MED15: variants seen among roughly 807,000 people sequenced by gnomAD.
The protein encoded by MED15 is mediator of RNA polymerase II transcription subunit 15.
MED15 carries 41 observed loss-of-function variants against 118.7 expected under a neutral mutation model. That is an observed-to-expected ratio of 0.35 (90% CI 0.27 to 0.45). MED15 has a LOEUF of 0.45. MED15 is among the 20% of genes least tolerant of loss of function. MED15 has a pLI of 1.00. For synonymous variants in MED15, 436 were observed against 413.9 expected, an observed-to-expected ratio of 1.05 and a Z score of -0.65; for missense variants, 740 against 1,025.5, an observed-to-expected ratio of 0.72 and a Z score of 3.80.
At chr22:20,553,691 G>A (rs2041220940) in intron 4 of MED15, among the ~76,000 whole-genome samples, 1 of 152,078 alleles carries the variant, frequency 6.6e-6, no homozygotes, top group Admixed American at 6.5e-5. Context: ...TGGCCAACAT[G>A]GTAAAACCCC....
rs528653147 is a variant in MED15, at chr22:20,568,642, G to T, written c.1152+11G>T. On this transcript the variant is annotated intron_variant, in intron 8 of 17. Transcript: ENST00000263205. ...GCTCCCGGAGTCCAGGTGAGGGCCT[G>T]GGGGTGGAGGGCTCCATAGTCATCA... is the stretch of plus-strand genomic sequence containing the variant. The T allele has an allele frequency of 6.2e-7, 1 of 1,611,168 alleles. No homozygotes were observed. The highest frequency in any genetic ancestry group is 1.7e-5 in the Admixed American group (1 of 59,752).
intron 7 of MED15, among the ~76,000 whole-genome samples, chr22:20,567,864 CCA>C (rs1326681010): frequency 6.6e-6 from 1 of 152,126 alleles, no homozygotes; most frequent in African/African-American, 2.4e-5. Context: ...CCCCCCACCC[CCA>C]CTTTTTTCTT....
intron 6 of MED15, among the ~76,000 whole-genome samples, chr22:20,566,048 TTTGA>T (rs1458406218): frequency 7.5e-6 from 1 of 133,468 alleles, no homozygotes; most frequent in Non-Finnish European, 1.7e-5. Flanking sequence ...TTTTTTTTTT[TTTGA>T]GACTTTTTTT....
rs2055045844 is a variant in MED15, at chr22:20,535,748, A to G, written c.69-1369A>G. Among the ~76,000 whole-genome samples the G allele has an allele frequency of 2.0e-5, 3 of 151,138 alleles. No individual in the cohort carries two copies. In the South Asian group the frequency reaches 6.3e-4, roughly 32 times the overall value. The stretch of plus-strand genomic sequence containing the variant: ...CTAATTTTTTGTATTTTTAGTAGAG[A>G]CAGGGTTTCACTGTGTTAGCCAGGA... On this transcript the variant is annotated intron_variant, in intron 1 of 17. Coordinates refer to ENST00000263205, the MANE Select transcript of MED15 (RefSeq NM_001003891.3).
intron 4 of MED15, 66 bp from the exon 5 acceptor site, chr22:20,554,870 G>A (rs1335657716): frequency 6.2e-5 from 91 of 1,458,802 alleles, no homozygotes; most frequent in Non-Finnish European, 8.2e-5. Flanking sequence ...TGAGCCTTAC[G>A]CCCTTTGAGC....
At chr22:20,567,690 A>G (rs1346686261) in intron 7 of MED15, among the ~76,000 whole-genome samples, 1 of 152,082 alleles carries the variant, frequency 6.6e-6, no homozygotes, top group East Asian at 1.9e-4. Flanking sequence ...GGAGATGTCT[A>G]AGGAAGAGCC....
chr22:20,511,579 A>T (rs2054065664), intron 1 of MED15, among the ~76,000 whole-genome samples: 1 of 151,832 alleles, frequency 6.6e-6, no homozygotes, highest in Non-Finnish European at 1.5e-5. Context: ...GAGCCTAGGG[A>T]ACAATGCCCC....
intron 8 of MED15, among the ~76,000 whole-genome samples, chr22:20,569,496 T>G (rs2056565563): frequency 1.3e-5 from 2 of 152,208 alleles, no homozygotes; most frequent in African/African-American, 4.8e-5. Context: ...GTACCTGGCC[T>G]TGTGGTTTTC....
chr22:20,551,312 C>T (rs747375846), intron 2 of MED15, 124 bp from the exon 3 acceptor site: 4 of 881,980 alleles, frequency 4.5e-6, no homozygotes, highest in Admixed American at 3.4e-5. Flanking sequence ...GCCGAGCAAG[C>T]GTCTGAATCT....
rs146067202 is a variant in MED15, at chr22:20,518,229, G to A, written c.68+10483G>A. ...GTTTGAGATGGAGTCTCGCCCTGTC[G>A]CCCAGGCTTGCGTGCCTGGTGACTT... On this transcript the variant is annotated intron_variant, in intron 1 of 17. Coordinates refer to ENST00000263205, the MANE Select transcript of MED15 (RefSeq NM_001003891.3). Among the ~76,000 whole-genome samples, 31 of 152,210 alleles carry A rather than the reference G, an allele frequency of 2.0e-4. 1 individual carries two copies. The East Asian group carries it at 5.6e-3, about 27-fold the overall frequency.
In MED15 at chr22:20,564,547, G is replaced by C. The variant is rs1181466594; in HGVS notation, c.549G>C (p.Gln183His). The C allele has an allele frequency of 1.2e-6, 2 of 1,603,684 alleles. No homozygotes were observed. Among genetic ancestry groups the C allele is most frequent in the East Asian group, 4.5e-5 (2 of 44,756 alleles). ...QQAALQQQQQ[Q>H]QQQQQFQAQQ... ...CGGCGCTACAGCAGCAGCAGCAGCA[G>C]CAGCAACAGCAGCAGTTCCAGGCTC... is the stretch of plus-strand genomic sequence containing the variant. Residue 183 changes from glutamine to histidine, a missense_variant, in exon 6 of 18, where the codon CAG (glutamine) becomes CAC (histidine). Gln to His is a conservative substitution (Grantham distance 24). This residue lies in a region of MED15 where 384 missense variants were observed against 506.3 expected (regional missense o/e 0.76). Transcript: ENST00000263205.
At chr22:20,511,844 A>G (rs1255183134) in intron 1 of MED15, among the ~76,000 whole-genome samples, 2 of 152,018 alleles carry the variant, frequency 1.3e-5, no homozygotes, top group Non-Finnish European at 2.9e-5. Context: ...CTGCAGAACA[A>G]TCAGTGACTT....
intron 1 of MED15, among the ~76,000 whole-genome samples, chr22:20,517,009 T>G (rs1197592230): frequency 2.0e-5 from 3 of 152,010 alleles, no homozygotes; most frequent in African/African-American, 7.2e-5. Flanking sequence ...CATAGCTCAC[T>G]GCAGCCAACT....
intron 1 of MED15, among the ~76,000 whole-genome samples, chr22:20,532,749 A>ATGTTGG (rs2054909663): frequency 2.0e-5 from 3 of 152,162 alleles, no homozygotes; most frequent in Admixed American, 2.0e-4. Flanking sequence ...ACTGTTTGTG[A>ATGTTGG]ACCTGTTGCT....
chr22:20,554,837 A>G, intron 4 of MED15, 99 bp from the exon 5 acceptor site: 1 of 1,180,040 alleles, frequency 8.5e-7, no homozygotes, highest in Non-Finnish European at 1.2e-6. Context: ...TTGAGCCTGT[A>G]GGTAGGCGAG....
intron 9 of MED15, chr22:20,582,328 A>G: frequency 3.8e-6 from 2 of 532,250 alleles, no homozygotes; most frequent in Non-Finnish European, 6.6e-6. Context: ...TTTTCCTCAC[A>G]CTCCCACGAC....
chr22:20,533,995 A>G (rs767373316), intron 1 of MED15, among the ~76,000 whole-genome samples: 2 of 152,108 alleles, frequency 1.3e-5, no homozygotes, highest in Non-Finnish European at 2.9e-5. Context: ...TGACACTCTC[A>G]AAAACGGCCA....
chr22:20,566,768 C>T lies in MED15; in HGVS notation c.992C>T (p.Ala331Val), dbSNP rs776469364. Residue 331 changes from alanine to valine, a missense_variant, in exon 7 of 18, where the codon GCG (alanine) becomes GTG (valine). This residue lies in a region of MED15 where 384 missense variants were observed against 506.3 expected (regional missense o/e 0.76). Coordinates refer to ENST00000263205, the MANE Select transcript of MED15 (RefSeq NM_001003891.3). ...QSQTQPLVSQ[A>V]QALPGQMLYT... ...CAGACCCAGCCTTTGGTGTCACAGG[C>T]GCAAGCTCTCCCTGGACAAATGTTG... is the stretch of plus-strand genomic sequence containing the variant. 2.2e-5 allele frequency: 36 copies of T among 1,614,096 alleles called. No individual in the cohort carries two copies. The highest frequency in any genetic ancestry group is 1.1e-4 in the African/African-American group (8 of 74,922).
chr22:20,526,295 G>C (rs1043234985), intron 1 of MED15, among the ~76,000 whole-genome samples: 1 of 152,170 alleles, frequency 6.6e-6, no homozygotes, highest in Non-Finnish European at 1.5e-5. Context: ...CCCAGAGGTA[G>C]CAACTGCCTT....
Sources: gnomAD v4.1 joint callset for allele counts (sites outside exome capture counted in the v4.1 genomes callset) on GRCh38, gnomAD v4.1.1 for gene constraint, gnomAD v4.1.1 regional missense constraint, MANE v1.5 for transcripts, NCBI Gene and HGNC (gene_info 2026-07-23, HGNC 2026-07-21) for gene names.